NFILZ: variants seen among roughly 807,000 people sequenced by gnomAD.
The protein encoded by NFILZ is NFIL3 like protein.
chr19:8,647,876 C>A (rs1281226846), intron 3 of NFILZ, among the ~76,000 whole-genome samples: 1 of 147,922 alleles, frequency 6.8e-6, no homozygotes, highest in Non-Finnish European at 1.5e-5. Context: ...GGGAGAGCAT[C>A]AGGAAAAATA....
At chr19:8,653,045 T>TCTCC (rs2042976020) in intron 3 of NFILZ, among the ~76,000 whole-genome samples, 7 of 66,696 alleles carry the variant, frequency 1.0e-4, no homozygotes, top group Admixed American at 3.5e-4. Flanking sequence ...TCTTTCTCTC[T>TCTCC]CTCTCTCTCT....
intron 3 of NFILZ, among the ~76,000 whole-genome samples, chr19:8,653,033 T>TC (rs1555747916): frequency 1.2e-4 from 9 of 72,914 alleles, no homozygotes; most frequent in African/African-American, 3.2e-4. Context: ...TCTTTCTTTC[T>TC]TTCTTTCTCT....
intron 3 of NFILZ, among the ~76,000 whole-genome samples, chr19:8,656,289 C>CCTCCTCCCTGAAGCCCATCTTCTCTCTGA (rs1212956882): frequency 3.3e-4 from 11 of 33,002 alleles, no homozygotes; most frequent in Non-Finnish European, 5.9e-4. Context: ...CTTCTCCCCA[C>CCTCCTCCCTGAAGCCCATCTTCTCTCTGA]AGCCCACCTC....
intron 3 of NFILZ, among the ~76,000 whole-genome samples, chr19:8,656,516 C>CAGCCCACCTTCTCCTGA (rs1600147897): frequency 2.8e-4 from 18 of 63,644 alleles, no homozygotes; most frequent in South Asian, 5.7e-4. Flanking sequence ...CCTTCTCCTG[C>CAGCCCACCTTCTCCTGA]AGCCCACCTT....
At chr19:8,656,132 T>C (rs576409414) in intron 3 of NFILZ, among the ~76,000 whole-genome samples, 2 of 152,062 alleles carry the variant, frequency 1.3e-5, no homozygotes, top group Non-Finnish European at 2.9e-5. Context: ...CAGAACCCCA[T>C]GCTGCCTCCA....
At chr19:8,669,118 A>G (rs1438310557) in intron 3 of NFILZ, among the ~76,000 whole-genome samples, 1 of 151,800 alleles carries the variant, frequency 6.6e-6, no homozygotes, top group Non-Finnish European at 1.5e-5. Context: ...TAATTTTTGT[A>G]TTTTTTAGTA....
chr19:8,637,934 A>G (rs1483584480), intron 3 of NFILZ, among the ~76,000 whole-genome samples: 89 of 147,878 alleles, frequency 6.0e-4, no homozygotes, highest in Non-Finnish European at 1.1e-3. Flanking sequence ...AAAAAAAAAA[A>G]GAAAAGAACA....
chr19:8,668,584 G>A (rs1378471594), intron 3 of NFILZ, among the ~76,000 whole-genome samples: 2 of 152,126 alleles, frequency 1.3e-5, no homozygotes, highest in Non-Finnish European at 2.9e-5. Flanking sequence ...GAGTTTGTGG[G>A]AATTTCTTGA....
intron 3 of NFILZ, among the ~76,000 whole-genome samples, chr19:8,663,960 G>C (rs2043049758): frequency 6.6e-6 from 1 of 152,122 alleles, no homozygotes; most frequent in Non-Finnish European, 1.5e-5. Context: ...GCTGTGTGGT[G>C]ACTGAGGCCA....
intron 3 of NFILZ, among the ~76,000 whole-genome samples, chr19:8,645,649 G>T (rs1316592255): frequency 5.3e-5 from 8 of 152,168 alleles, no homozygotes; most frequent in African/African-American, 1.9e-4. Context: ...GCAATTGAAA[G>T]AGACCCTCGA....
chr19:8,666,483 GTATCTTA>G (rs1335355869), intron 3 of NFILZ, among the ~76,000 whole-genome samples: 1 of 151,692 alleles, frequency 6.6e-6, no homozygotes, highest in Non-Finnish European at 1.5e-5. Context: ...CCTATGCCAG[GTATCTTA>G]TATCTTATAG....
intron 3 of NFILZ, among the ~76,000 whole-genome samples, chr19:8,670,401 C>G (rs2043081204): frequency 6.6e-6 from 1 of 152,016 alleles, no homozygotes; most frequent in African/African-American, 2.4e-5. Flanking sequence ...TGCACCTGGC[C>G]CCATATTTTT....
chr19:8,642,170 C>T (rs2038703512), intron 3 of NFILZ, among the ~76,000 whole-genome samples: 2 of 143,836 alleles, frequency 1.4e-5, no homozygotes, highest in Admixed American at 1.4e-4. Context: ...TCACCGTTCT[C>T]TTTTTTTTTT....
chr19:8,674,923 C>T (rs782644543), intron 4 of NFILZ, among the ~76,000 whole-genome samples: 5 of 152,158 alleles, frequency 3.3e-5, no homozygotes, highest in Admixed American at 6.5e-5. Flanking sequence ...AAACTCAACA[C>T]TGAGTTTCTG....
chr19:8,648,583 C>T (rs905037464), intron 3 of NFILZ, among the ~76,000 whole-genome samples: 4 of 151,882 alleles, frequency 2.6e-5, no homozygotes, highest in South Asian at 2.1e-4. Flanking sequence ...TTTGGGAGGC[C>T]GAGGCTGGCA....
Position 8,632,169 on chromosome 19 carries a change from G to A in NFILZ, c.-410-307G>A, listed in dbSNP as rs530359640. On this transcript the variant is annotated intron_variant, in intron 1 of 5. Transcript: ENST00000691075. The stretch of plus-strand genomic sequence containing the variant: ...CAGGCGTGAGCCACCGCGCCCGGCC[G>A]CCCTTGTGTTTTATTACTGGGATGC... Among the ~76,000 whole-genome samples, 26 of 151,416 alleles carry A rather than the reference G, an allele frequency of 1.7e-4. No homozygotes were observed. In the South Asian group the frequency reaches 5.2e-3, roughly 30 times the overall value.
intron 3 of NFILZ, among the ~76,000 whole-genome samples, chr19:8,660,962 C>CTCCT (rs1315711414): frequency 6.7e-6 from 1 of 149,148 alleles, no homozygotes; most frequent in African/African-American, 2.5e-5. Flanking sequence ...CCCTCCCTCC[C>CTCCT]TCCTTTCTTG....
At chr19:8,659,440 C>T (rs185723590) in intron 3 of NFILZ, among the ~76,000 whole-genome samples, 3 of 151,702 alleles carry the variant, frequency 2.0e-5, no homozygotes, top group Admixed American at 1.3e-4. Flanking sequence ...GGAGGAAGAG[C>T]GTTGCAGGCA....
At position 8,678,749 on chromosome 19, in the gene NFILZ, A is replaced by G. The variant is rs1286543368; in HGVS notation, c.*1114A>G. 3.3e-5 allele frequency among the ~76,000 whole-genome samples: 5 copies of G among 152,132 alleles called. No individual in the cohort carries two copies. The highest frequency in any genetic ancestry group is 1.2e-4 in the African/African-American group (5 of 41,422). Reference sequence around the variant, plus strand: ...CATTTATTCATTTAGCCACTCATTTATGTGCTAACTTGTTTATTCATTCAT... The same window carrying G: ...CATTTATTCATTTAGCCACTCATTTGTGTGCTAACTTGTTTATTCATTCAT... On this transcript the variant is annotated 3_prime_UTR_variant, in exon 6 of 6. Coordinates refer to ENST00000691075, the MANE Select transcript of NFILZ (RefSeq NM_001378600.1).
Sources: gnomAD v4.1 joint callset for allele counts (sites outside exome capture counted in the v4.1 genomes callset) on GRCh38, gnomAD v4.1.1 for gene constraint, MANE v1.5 for transcripts, NCBI Gene and HGNC (gene_info 2026-07-23, HGNC 2026-07-21) for gene names.